GPR158: variants seen among roughly 807,000 people sequenced by gnomAD.
GPR158 encodes the protein metabotropic glycine receptor.
In GPR158, 30 loss-of-function variants were observed where a neutral mutation model predicts 78.2. The observed-to-expected ratio is 0.38, with a 90% CI of 0.29 to 0.52. GPR158 has a LOEUF of 0.52. Ranked by LOEUF, GPR158 falls within the 20% of genes least tolerant of loss-of-function variation. The pLI, the probability that GPR158 is intolerant of heterozygous loss-of-function variation, is 0.83. For missense variants in GPR158, 1,463 were observed against 1,523.5 expected, an observed-to-expected ratio of 0.96 and a Z score of 0.66; for synonymous variants, 581 against 591.1, an observed-to-expected ratio of 0.98 and a Z score of 0.25.
chr10:25,450,425 T>G (rs542172004), intron 4 of GPR158, among the ~76,000 whole-genome samples: 8 of 151,660 alleles, frequency 5.3e-5, no homozygotes, highest in Non-Finnish European at 8.8e-5. Context: ...CTTTGACAGA[T>G]ATTGGCATTG....
intron 1 of GPR158, among the ~76,000 whole-genome samples, chr10:25,200,901 T>C (rs1486754126): frequency 6.7e-6 from 1 of 150,240 alleles, no homozygotes; most frequent in Non-Finnish European, 1.5e-5. Context: ...TACCATGCTG[T>C]TTTGGTTACT....
intron 2 of GPR158, among the ~76,000 whole-genome samples, chr10:25,292,515 C>T (rs541700207): frequency 3.4e-4 from 39 of 114,008 alleles, no homozygotes; most frequent in African/African-American, 1.6e-3. Flanking sequence ...CCTTCCAGCA[C>T]TCTCTTTTTA....
intron 2 of GPR158, among the ~76,000 whole-genome samples, chr10:25,283,858 C>A (rs921885905): frequency 6.6e-6 from 1 of 152,002 alleles, no homozygotes; most frequent in African/African-American, 2.4e-5. Context: ...AAACTTCCCA[C>A]TTAGTTCATT....
intron 3 of GPR158, among the ~76,000 whole-genome samples, chr10:25,409,770 A>G (rs1235709575): frequency 2.0e-5 from 3 of 152,180 alleles, no homozygotes; most frequent in African/African-American, 7.2e-5. Flanking sequence ...TCCTGGATGC[A>G]ATTGTGTTAT....
chr10:25,396,011 G>A lies in GPR158; in HGVS notation c.1109G>A (p.Arg370Gln), dbSNP rs773988207. 34 of 1,477,314 alleles carry A rather than the reference G, an allele frequency of 2.3e-5. No individual in the cohort carries two copies. Among genetic ancestry groups the A allele is most frequent in the South Asian group, 9.1e-5 (8 of 88,340 alleles). 91.5% of individuals were successfully genotyped at this position (1,477,314 alleles called of 1,614,324 possible). Residue 370 changes from arginine to glutamine, a missense_variant and splice_region_variant, in exon 3 of 11, where the codon CGG becomes CAG. Arg to Gln is a conservative substitution (Grantham distance 43). Transcript: ENST00000376351. Reference protein sequence around the residue: ...HPGVLPVNNFRRRGPDQHISG... With the variant: ...HPGVLPVNNFQRRGPDQHISG... ...GGAGTCTTACCAGTGAACAACTTTC[G>A]GAGTAAGTGCCCTTTGTTTCTATGT...
At chr10:25,404,350 G>A (rs956726598) in intron 3 of GPR158, among the ~76,000 whole-genome samples, 1 of 152,034 alleles carries the variant, frequency 6.6e-6, no homozygotes, top group Non-Finnish European at 1.5e-5. Flanking sequence ...ATGATAGCAT[G>A]TTACTGTTTG....
chr10:25,441,505 G>T (rs572530247), intron 4 of GPR158, among the ~76,000 whole-genome samples: 1 of 152,292 alleles, frequency 6.6e-6, no homozygotes, highest in African/African-American at 2.4e-5. Context: ...AGTCTCATGT[G>T]CTTGGGTTGG....
At chr10:25,389,364 T>TCG (rs1834263492) in intron 2 of GPR158, among the ~76,000 whole-genome samples, 7 of 151,724 alleles carry the variant, frequency 4.6e-5, no homozygotes, top group Admixed American at 2.0e-4. Flanking sequence ...GGGACATCCA[T>TCG]TTGCAGAAAG....
intron 8 of GPR158, among the ~76,000 whole-genome samples, chr10:25,590,568 CT>C (rs34546352): frequency 4.6e-5 from 7 of 152,132 alleles, no homozygotes; most frequent in Non-Finnish European, 1.0e-4. Context: ...AGAAAAGCTA[CT>C]TTTTTGCTTA....
intron 2 of GPR158, among the ~76,000 whole-genome samples, chr10:25,357,178 A>C (rs1855566081): frequency 6.6e-6 from 1 of 152,136 alleles, no homozygotes; most frequent in Admixed American, 6.5e-5. Context: ...CTAAGCAGCC[A>C]GGCATTCAAC....
At chr10:25,242,277 A>G (rs113101356) in intron 2 of GPR158, among the ~76,000 whole-genome samples, 177 of 152,370 alleles carry the variant, frequency 1.2e-3, no homozygotes, top group African/African-American at 4.0e-3. Context: ...AAGGCACCAG[A>G]TGCTGAAATA....
chr10:25,467,500 A>G (rs991662118), intron 5 of GPR158, among the ~76,000 whole-genome samples: 1 of 152,214 alleles, frequency 6.6e-6, no homozygotes, highest in African/African-American at 2.4e-5. Flanking sequence ...GTTCTAGGGT[A>G]AAAATATTAT....
intron 4 of GPR158, among the ~76,000 whole-genome samples, chr10:25,449,766 G>A (rs1835189019): frequency 6.6e-6 from 1 of 152,092 alleles, no homozygotes; most frequent in South Asian, 2.1e-4. Flanking sequence ...GTGAGGTAAT[G>A]GATATGCTAA....
intron 5 of GPR158, among the ~76,000 whole-genome samples, chr10:25,500,505 A>G (rs904762836): frequency 1.3e-5 from 2 of 152,222 alleles, no homozygotes; most frequent in African/African-American, 4.8e-5. Context: ...CTAAATCCTG[A>G]AAGAAGTCAG....
intron 2 of GPR158, among the ~76,000 whole-genome samples, chr10:25,286,686 T>C (rs1854355924): frequency 6.6e-6 from 1 of 152,108 alleles, no homozygotes; most frequent in Admixed American, 6.6e-5. Context: ...CAGAAGTAGA[T>C]AGCTTTTTTT....
At chr10:25,469,943 C>T (rs1835475380) in intron 5 of GPR158, among the ~76,000 whole-genome samples, 1 of 152,002 alleles carries the variant, frequency 6.6e-6, no homozygotes, top group South Asian at 2.1e-4. Context: ...CGCCTAGAAT[C>T]TATTTTGAAA....
intron 4 of GPR158, among the ~76,000 whole-genome samples, chr10:25,448,284 G>A (rs1252775959): frequency 6.6e-6 from 1 of 151,638 alleles, no homozygotes; most frequent in African/African-American, 2.4e-5. Context: ...TAGAGACGGG[G>A]TTTCACCGTG....
chr10:25,279,221 C>T (rs1041836620), intron 2 of GPR158, among the ~76,000 whole-genome samples: 3 of 152,094 alleles, frequency 2.0e-5, no homozygotes, highest in Admixed American at 2.0e-4. Context: ...AAATTTCACG[C>T]TAGTGATATG....
chr10:25,269,725 C>T (rs72792072), intron 2 of GPR158, among the ~76,000 whole-genome samples: 10,421 of 152,148 alleles, frequency 0.068, 466 homozygotes, highest in Non-Finnish European at 0.098. Flanking sequence ...AGCTGTTTTC[C>T]CCATTTCATG....
Sources: gnomAD v4.1 joint callset for allele counts (sites outside exome capture counted in the v4.1 genomes callset) on GRCh38, gnomAD v4.1.1 for gene constraint, MANE v1.5 for transcripts, NCBI Gene and HGNC (gene_info 2026-07-23, HGNC 2026-07-21) for gene names.